Variants in HSDL1 observed in about 807,000 individuals in gnomAD.
HSDL1 encodes the protein hydroxysteroid dehydrogenase like 1.
In HSDL1, 29 loss-of-function variants were observed where a neutral mutation model predicts 31.5. That is an observed-to-expected ratio of 0.92 (90% CI 0.69 to 1.26). The LOEUF (loss-of-function observed/expected upper bound fraction) is 1.26. Among genes scored for constraint, HSDL1 ranks in the 50% most tolerant of loss-of-function variants. The pLI is 0.00. For synonymous variants in HSDL1, 222 were observed against 155.2 expected (o/e 1.43, Z -3.20); for missense variants, 503 against 416.6 (o/e 1.21, Z -1.81).
intron 1 of HSDL1, among the ~76,000 whole-genome samples, chr16:84,143,609 C>A (rs947663024): frequency 2.0e-5 from 3 of 151,890 alleles, no homozygotes; most frequent in Non-Finnish European, 2.9e-5. Flanking sequence ...TTATGTCATG[C>A]GTAAGTCATT....
At chr16:84,132,115 G>C (rs1463998506) in intron 2 of HSDL1, among the ~76,000 whole-genome samples, 1 of 152,190 alleles carries the variant, frequency 6.6e-6, no homozygotes, top group Non-Finnish European at 1.5e-5. Context: ...TACATGCTGT[G>C]GCTACAGAGA....
intron 5 of HSDL1, among the ~76,000 whole-genome samples, chr16:84,127,054 G>T (rs2151184741): frequency 6.6e-6 from 1 of 152,218 alleles, no homozygotes; most frequent in East Asian, 1.9e-4. Flanking sequence ...TATAAACACA[G>T]TCAAAACATC....
At chr16:84,137,016 G>A (rs2086719376) in intron 1 of HSDL1, among the ~76,000 whole-genome samples, 1 of 150,446 alleles carries the variant, frequency 6.6e-6, no homozygotes, top group South Asian at 2.1e-4. Flanking sequence ...TGGTCCTACA[G>A]TCTCTCGAGA....
chr16:84,141,746 A>G (rs1176655998), intron 1 of HSDL1, among the ~76,000 whole-genome samples: 1 of 152,198 alleles, frequency 6.6e-6, no homozygotes, highest in Non-Finnish European at 1.5e-5. Context: ...CCTGGTTACT[A>G]GTAAGGCTGC....
intron 1 of HSDL1, chr16:84,144,404 G>A (rs2086814888): frequency 6.6e-6 from 1 of 152,240 alleles, no homozygotes; most frequent in South Asian, 2.1e-4. Context: ...ATCGCCGAGG[G>A]GCGCTGCAGC....
In HSDL1 at chr16:84,122,847, G is replaced by T. The variant is rs1427274158; in HGVS notation, c.*1783C>A. On this transcript the variant is annotated 3_prime_UTR_variant, in exon 6 of 6. Coordinates refer to ENST00000219439, the MANE Select transcript of HSDL1 (RefSeq NM_031463.5). The stretch of plus-strand genomic sequence containing the variant: ...GCATGTTTGCCCATGTCCTGCCAAG[G>T]AGAGAAGTTTACATCATCACTGACA... 1.3e-5 allele frequency: 2 copies of T among 152,234 alleles called. No homozygotes were observed. Among genetic ancestry groups the T allele is most frequent in the Middle Eastern group, 3.2e-3 (1 of 316 alleles). 9.4% of individuals were successfully genotyped at this position (152,234 alleles called of 1,614,324 possible).
At chr16:84,141,214 C>T (rs1406890150) in intron 1 of HSDL1, among the ~76,000 whole-genome samples, 1 of 123,186 alleles carries the variant, frequency 8.1e-6, no homozygotes, top group African/African-American at 4.0e-5. Flanking sequence ...GAGACTCATC[C>T]ATGCCCCTGC....
At chr16:84,138,817 C>T (rs921331922) in intron 1 of HSDL1, among the ~76,000 whole-genome samples, 18 of 152,176 alleles carry the variant, frequency 1.2e-4, no homozygotes, top group African/African-American at 4.3e-4. Flanking sequence ...AACGTTACAA[C>T]TACAAAAGCG....
chr16:84,128,156 G>A (rs192163082), intron 5 of HSDL1, among the ~76,000 whole-genome samples: 1 of 151,598 alleles, frequency 6.6e-6, no homozygotes, highest in African/African-American at 2.4e-5. Context: ...GGGCGTGGTG[G>A]CAGGCACCTG....
intron 5 of HSDL1, among the ~76,000 whole-genome samples, chr16:84,127,396 A>T: frequency 6.6e-6 from 1 of 150,818 alleles, no homozygotes; most frequent in African/African-American, 2.4e-5. Flanking sequence ...TTATATTTTT[A>T]GTAGAGATGG....
At position 84,130,116 on chromosome 16, in the gene HSDL1, G is replaced by C; in HGVS notation, c.536C>G (p.Ala179Gly). Reference protein sequence around the residue: ...KLWDIINVNIAAASLMVHVVL... With the variant: ...KLWDIINVNIGAASLMVHVVL... ...AACATGGACCATCAAACTAGCGGCG[G>C]CAATGTTCACATTTATGATGTCCCA... The change falls in exon 4 of 6, where the codon GCC (alanine) becomes GGC (glycine). Residue 179 changes from alanine to glycine, a missense_variant. By Grantham distance (60) the Ala-to-Gly change is moderately conservative. Coordinates refer to ENST00000219439, the MANE Select transcript of HSDL1 (RefSeq NM_031463.5). 30 of 1,614,164 alleles carry C rather than the reference G, an allele frequency of 1.9e-5. No homozygotes were observed. Among genetic ancestry groups the C allele is most frequent in the Non-Finnish European group, 2.4e-5 (28 of 1,180,016 alleles).
rs1409725848 is a variant in HSDL1, at chr16:84,122,150, T to G, written c.*2480A>C. ...ACATAGTTATAAACAATTTTGTTAC[T>G]GACGTGTCAGCTTTTAATCAGTTAT... On this transcript the variant is annotated 3_prime_UTR_variant, in exon 6 of 6. Transcript: ENST00000219439. 6.6e-6 allele frequency: 1 copy of G among 152,642 alleles called. No homozygotes were observed. The highest frequency in any genetic ancestry group is 6.5e-5 in the Admixed American group (1 of 15,294). The allele number at this position is 152,642 out of a possible 1,614,324, so 9.5% of individuals were successfully genotyped here.
At chr16:84,137,972 C>T (rs2086728121) in intron 1 of HSDL1, among the ~76,000 whole-genome samples, 1 of 150,738 alleles carries the variant, frequency 6.6e-6, no homozygotes, top group African/African-American at 2.5e-5. Context: ...TTCCGCCCCA[C>T]TCCCTGATTC....
At position 84,122,344 on chromosome 16, in the gene HSDL1, G is replaced by A. The variant is rs948936197; in HGVS notation, c.*2286C>T. On this transcript the variant is annotated 3_prime_UTR_variant, in exon 6 of 6. Coordinates refer to ENST00000219439, the MANE Select transcript of HSDL1 (RefSeq NM_031463.5). The stretch of plus-strand genomic sequence containing the variant: ...TTCAATTCACAGATTAACTTTCAAA[G>A]GTTCATATTTCCCACGTTCTTTTTT... The A allele has an allele frequency of 6.6e-6, 1 of 151,870 alleles. No individual in the cohort carries two copies. Among genetic ancestry groups the A allele is most frequent in the Non-Finnish European group, 1.5e-5 (1 of 67,994 alleles). The allele number at this position is 151,870 out of a possible 1,614,324, so 9.4% of individuals were successfully genotyped here.
rs2086573026 is a variant in HSDL1, at chr16:84,123,333, T to C, written c.*1297A>G. ...ACCAATCTACTAGCTTCTGCATCAG[T>C]ATCACAATGCCGAGCTCTGAATTTT... On this transcript the variant is annotated 3_prime_UTR_variant, in exon 6 of 6. Coordinates refer to ENST00000219439, the MANE Select transcript of HSDL1 (RefSeq NM_031463.5). 6.6e-6 allele frequency: 1 copy of C among 152,220 alleles called. No individual in the cohort carries two copies. 9.4% of individuals were successfully genotyped at this position (152,220 alleles called of 1,614,324 possible).
chr16:84,134,423 G>C (rs1436617989), intron 2 of HSDL1, among the ~76,000 whole-genome samples: 1 of 151,944 alleles, frequency 6.6e-6, no homozygotes, highest in Non-Finnish European at 1.5e-5. Context: ...AGGAGTTCAA[G>C]ACCAGCCTGG....
At chr16:84,141,681 C>T (rs1326465773) in intron 1 of HSDL1, among the ~76,000 whole-genome samples, 1 of 152,246 alleles carries the variant, frequency 6.6e-6, no homozygotes, top group African/African-American at 2.4e-5. Flanking sequence ...GCTTCACCTT[C>T]TGCCAACAGG....
intron 5 of HSDL1, among the ~76,000 whole-genome samples, chr16:84,125,995 C>G (rs1284778408): frequency 6.6e-6 from 1 of 151,150 alleles, no homozygotes; most frequent in Non-Finnish European, 1.5e-5. Flanking sequence ...CCCAGCTACT[C>G]AGGAGGCAGA....
At chr16:84,130,975 G>A (rs2086658594) in intron 3 of HSDL1, 127 bp downstream of exon 3, 2 of 758,216 alleles carry the variant, frequency 2.6e-6, no homozygotes, top group East Asian at 2.5e-5. Flanking sequence ...CATAATCACG[G>A]CAGGAGCCAT....
Sources: gnomAD v4.1 joint callset for allele counts (sites outside exome capture counted in the v4.1 genomes callset) on GRCh38, gnomAD v4.1.1 for gene constraint, MANE v1.5 for transcripts, NCBI Gene and HGNC (gene_info 2026-07-23, HGNC 2026-07-21) for gene names.